The following CRISP1 variants were observed in gnomAD, a reference collection of about 807,000 sequenced individuals.
The protein encoded by CRISP1 is cysteine rich secretory protein 1.
CRISP1 carries 44 observed loss-of-function variants against 33.1 expected under a neutral mutation model. That is an observed-to-expected ratio of 1.33 (90% CI 1.05 to 1.71). The LOEUF (loss-of-function observed/expected upper bound fraction) is 1.71, where lower values mean the gene tolerates loss of function less well. Among genes scored for constraint, CRISP1 ranks in the 40% most tolerant of loss-of-function variants. CRISP1 has a pLI of 0.00. For missense variants in CRISP1, 390 were observed against 301.2 expected, an observed-to-expected ratio of 1.29 and a Z score of -2.18; for synonymous variants, 103 against 98.7, an observed-to-expected ratio of 1.04 and a Z score of -0.26.
chr6:49,848,996 C>A (rs1431516400), intron 3 of CRISP1, among the ~76,000 whole-genome samples: 1 of 152,000 alleles, frequency 6.6e-6, no homozygotes, highest in Middle Eastern at 3.2e-3. Context: ...AAATAACTGA[C>A]AAAATAAGAA....
At chr6:49,860,787 G>C (rs187088137) in intron 1 of CRISP1, among the ~76,000 whole-genome samples, 1 of 152,022 alleles carries the variant, frequency 6.6e-6, no homozygotes, top group East Asian at 1.9e-4. Context: ...AGACAAAATA[G>C]AGACTTTAAA....
chr6:49,869,709 C>T (rs972862454), upstream of CRISP1, among the ~76,000 whole-genome samples: 2 of 152,056 alleles, frequency 1.3e-5, no homozygotes, highest in Admixed American at 1.3e-4. Context: ...GTTAAAAAAT[C>T]ATGCCAAAAA....
chr6:49,862,398 A>ATAT (rs34634539), intron 1 of CRISP1, among the ~76,000 whole-genome samples: 51,982 of 151,556 alleles, frequency 0.34, 9,600 homozygotes, highest in Non-Finnish European at 0.41. Context: ...AATATTACTG[A>ATAT]TATTAGAAAA....
At chr6:49,849,197 T>C (rs935480863) in intron 3 of CRISP1, among the ~76,000 whole-genome samples, 1 of 152,118 alleles carries the variant, frequency 6.6e-6, no homozygotes. Flanking sequence ...CTCCTATCAT[T>C]GTGGTGTATA....
intron 1 of CRISP1, among the ~76,000 whole-genome samples, chr6:49,876,164 A>G (rs1772031158): frequency 6.6e-6 from 1 of 152,162 alleles, no homozygotes; most frequent in Non-Finnish European, 1.5e-5. Context: ...TCTAATATCA[A>G]GAGAGTACAA....
intron 2 of CRISP1, among the ~76,000 whole-genome samples, chr6:49,853,842 T>G (rs1771420593): frequency 6.6e-6 from 1 of 152,180 alleles, no homozygotes. Context: ...CGGATGAGAC[T>G]GACAATTCTC....
At position 49,873,314 on chromosome 6, in the gene CRISP1, C is replaced by T. The variant is rs560815141; in HGVS notation, c.-3+3695G>A. ...CTGGAAGGAGTTAGGCAAAGAAACTCGTGAGTAAAATTGCAGATCTCAGGA... is the reference window on the plus strand; with the variant it reads ...CTGGAAGGAGTTAGGCAAAGAAACTTGTGAGTAAAATTGCAGATCTCAGGA... On this transcript the variant is annotated intron_variant, in intron 1 of 7. Transcript: ENST00000505118. 7.2e-5 allele frequency among the ~76,000 whole-genome samples: 11 copies of T among 152,040 alleles called. 1 individual carries two copies. Among genetic ancestry groups the T allele is most frequent in the Non-Finnish European group, 1.3e-4 (9 of 67,950 alleles).
intron 1 of CRISP1, among the ~76,000 whole-genome samples, chr6:49,861,174 C>G (rs1388115539): frequency 6.6e-6 from 1 of 152,088 alleles, no homozygotes; most frequent in Non-Finnish European, 1.5e-5. Flanking sequence ...CAAAGATGAA[C>G]TAACACCTAT....
chr6:49,862,487 T>C (rs1771680329), intron 1 of CRISP1, among the ~76,000 whole-genome samples: 1 of 152,104 alleles, frequency 6.6e-6, no homozygotes, highest in South Asian at 2.1e-4. Flanking sequence ...AATTCATTGT[T>C]TTATGATATA....
chr6:49,874,655 A>C (rs1771997850), intron 1 of CRISP1, among the ~76,000 whole-genome samples: 1 of 152,142 alleles, frequency 6.6e-6, no homozygotes, highest in Non-Finnish European at 1.5e-5. Context: ...AGAAATCCTC[A>C]ATAAAATACT....
At chr6:49,840,860 T>C in intron 6 of CRISP1, 38 bp downstream of exon 6, 1 of 1,493,144 alleles carries the variant, frequency 6.7e-7, no homozygotes, top group Non-Finnish European at 9.3e-7. Context: ...TTAGGTTACT[T>C]TAGGGGGATA....
chr6:49,871,834 A>G (rs1771931442), intron 1 of CRISP1, among the ~76,000 whole-genome samples: 1 of 151,978 alleles, frequency 6.6e-6, no homozygotes, highest in African/African-American at 2.4e-5. Context: ...AGTCTTTGCT[A>G]TTGTGAATAG....
intron 1 of CRISP1, among the ~76,000 whole-genome samples, chr6:49,857,665 A>G (rs1329900270): frequency 1.3e-5 from 2 of 152,198 alleles, no homozygotes; most frequent in Non-Finnish European, 2.9e-5. Context: ...ACACAAGGGA[A>G]TTAAGGTAGC....
chr6:49,837,384 T>G (rs72863124), intron 7 of CRISP1, among the ~76,000 whole-genome samples: 2,777 of 152,246 alleles, frequency 0.018, 25 homozygotes, highest in Non-Finnish European at 0.029. Context: ...TCACCTAGAT[T>G]CTAAAAATCT....
intron 1 of CRISP1, among the ~76,000 whole-genome samples, chr6:49,860,787 G>A (rs187088137): frequency 2.6e-5 from 4 of 151,904 alleles, no homozygotes; most frequent in Admixed American, 6.6e-5. Context: ...AGACAAAATA[G>A]AGACTTTAAA....
intron 1 of CRISP1, among the ~76,000 whole-genome samples, chr6:49,863,540 T>C (rs1290678155): frequency 6.6e-6 from 1 of 152,230 alleles, no homozygotes; most frequent in Admixed American, 6.5e-5. Flanking sequence ...CAGATAATAA[T>C]ACCAGCAACT....
intron 1 of CRISP1, among the ~76,000 whole-genome samples, chr6:49,863,262 C>T (rs1469228075): frequency 6.6e-6 from 1 of 152,120 alleles, no homozygotes; most frequent in Non-Finnish European, 1.5e-5. Flanking sequence ...AAGCCCTAGT[C>T]CAACCTCTGG....
chr6:49,842,365 C>A lies in CRISP1; in HGVS notation c.436-1370G>T, dbSNP rs538450434. On this transcript the variant is annotated intron_variant, in intron 5 of 7. Coordinates refer to ENST00000335847, the MANE Select transcript of CRISP1 (RefSeq NM_001131.3). ...ACATCTATTTTGCTATGTTCTCTCTCTATATTAATTGGTAATAAGATTATT... is the reference window on the plus strand; with the variant it reads ...ACATCTATTTTGCTATGTTCTCTCTATATATTAATTGGTAATAAGATTATT... Among the ~76,000 whole-genome samples the A allele has an allele frequency of 7.9e-5, 12 of 152,208 alleles. No individual in the cohort carries two copies. In the South Asian group the frequency reaches 1.0e-3, roughly 13 times the overall value.
chr6:49,872,607 C>G (rs1262213359), intron 1 of CRISP1, among the ~76,000 whole-genome samples: 1 of 151,974 alleles, frequency 6.6e-6, no homozygotes, highest in African/African-American at 2.4e-5. Flanking sequence ...CCAGTTTCAG[C>G]TTTCTACATA....
Sources: gnomAD v4.1 joint callset for allele counts (sites outside exome capture counted in the v4.1 genomes callset) on GRCh38, gnomAD v4.1.1 for gene constraint, MANE v1.5 for transcripts, NCBI Gene and HGNC (gene_info 2026-07-23, HGNC 2026-07-21) for gene names.